The following PANK3 variants were observed in gnomAD, a reference collection of about 807,000 sequenced individuals.
PANK3 encodes the protein pantothenate kinase 3.
Under a neutral mutation model 39.4 loss-of-function variants are expected in PANK3, and 20 were observed. The observed-to-expected ratio is 0.51, with a 90% confidence interval of 0.36 to 0.74. The LOEUF is 0.74. Among genes scored for constraint, PANK3 ranks in the 30% least tolerant of loss-of-function variants. The pLI is 0.00. For missense variants in PANK3, 265 were observed against 437.0 expected (o/e 0.61, Z 3.51); for synonymous variants, 140 against 157.3 (o/e 0.89, Z 0.82).
rs1554125712 is a variant in PANK3 at position 168,565,868 on chromosome 5, A to ATAT, written c.635+144_635+145insATA. On this transcript the variant is annotated intron_variant, in intron 3 of 6. Coordinates refer to ENST00000239231, the MANE Select transcript of PANK3 (RefSeq NM_024594.4). ...CACCCTCTTTCACTTAAAAAAAAAA[A>ATAT]ATATATATATATATATATTTTTTTT... 985 of 131,902 alleles carry ATAT rather than the reference A, an allele frequency of 7.5e-3. 12 individuals are homozygous for ATAT. Among genetic ancestry groups the ATAT allele is most frequent in the African/African-American group, 0.028 (792 of 28,134 alleles). The allele number at this position is 131,902 out of a possible 1,614,324, so 8.2% of individuals were successfully genotyped here. A position where few individuals can be genotyped will look rare whatever the true frequency, so the allele number is the denominator to read the frequency against.
In PANK3 at chr5:168,556,381, A is replaced by G. The variant is rs1222200616; in HGVS notation, c.*1190T>C. On this transcript the variant is annotated 3_prime_UTR_variant, in exon 7 of 7. Coordinates refer to ENST00000239231, the MANE Select transcript of PANK3 (RefSeq NM_024594.4). Reference sequence around the variant, plus strand: ...TCCTGGTTTTGCAGTATTTTTATAAATGGAGTTTGGACCTTGGTGACACTC... The same window carrying G: ...TCCTGGTTTTGCAGTATTTTTATAAGTGGAGTTTGGACCTTGGTGACACTC... The G allele has an allele frequency of 6.6e-6, 1 of 152,264 alleles. No individual in the cohort carries two copies. The highest frequency in any genetic ancestry group is 1.5e-5 in the Non-Finnish European group (1 of 68,082). The allele number at this position is 152,264 out of a possible 1,614,324, so 9.4% of individuals were successfully genotyped here.
At chr5:168,558,578 T>C (rs1034445642) in intron 6 of PANK3, among the ~76,000 whole-genome samples, 2 of 152,206 alleles carry the variant, frequency 1.3e-5, no homozygotes, top group African/African-American at 4.8e-5. Context: ...TCCAAAACAT[T>C]ATGTGGACTG....
chr5:168,563,862 C>T (rs759463281), intron 4 of PANK3, 27 bp downstream of exon 4: 3 of 1,544,570 alleles, frequency 1.9e-6, no homozygotes, highest in Middle Eastern at 3.5e-4. Context: ...ACTTCTGTAA[C>T]TTAAATAACA....
At position 168,552,766 on chromosome 5, in the gene PANK3, CAGAG is replaced by C; in HGVS notation, c.*4801_*4804del. On this transcript the variant is annotated 3_prime_UTR_variant, in exon 7 of 7. Transcript: ENST00000239231. ...TCCTTCCTGCCCTTTCAACCACAAACAGAGAGACTACAGTCAAGAAGATAATATT... is the reference window on the plus strand; with the variant it reads ...TCCTTCCTGCCCTTTCAACCACAAACAGACTACAGTCAAGAAGATAATATT... 1 of 171,292 alleles carries C rather than the reference CAGAG, an allele frequency of 5.8e-6. No homozygotes were observed. The highest frequency in any genetic ancestry group is 1.7e-4 in the South Asian group (1 of 5,960). The allele number at this position is 171,292 out of a possible 1,614,324, so 10.6% of individuals were successfully genotyped here.
rs539561253 is a variant in PANK3 at position 168,549,047 on chromosome 5, T to C, written c.*8524A>G. 1.3e-5 allele frequency: 2 copies of C among 152,332 alleles called. No homozygotes were observed. The highest frequency in any genetic ancestry group is 3.9e-4 in the East Asian group (2 of 5,190). 9.4% of individuals were successfully genotyped at this position (152,332 alleles called of 1,614,324 possible). ...TTCTGAGTACACTTTGGTCAATAAC[T>C]GGTCATTAAGATAAACGCCATTCAA... On this transcript the variant is annotated 3_prime_UTR_variant, in exon 7 of 7. Transcript: ENST00000239231.
At position 168,557,456 on chromosome 5, in the gene PANK3, A is replaced by G. The variant is rs1377839914; in HGVS notation, c.*115T>C. On this transcript the variant is annotated 3_prime_UTR_variant, in exon 7 of 7. Transcript: ENST00000239231. ...CTCCTTTAATATGGCAACATTCAGC[A>G]GCTTATGCTACTCTTTTATCCTTTG... 14 of 865,538 alleles carry G rather than the reference A, an allele frequency of 1.6e-5. No homozygotes were observed. Among genetic ancestry groups the G allele is most frequent in the Non-Finnish European group, 1.8e-6 (1 of 544,304 alleles). The allele number at this position is 865,538 out of a possible 1,614,324, so 53.6% of individuals were successfully genotyped here.
chr5:168,551,669 G>A lies in PANK3; in HGVS notation c.*5902C>T, dbSNP rs1759273229. ...AGGCAAGAATACTGCTGGAATAAGA[G>A]GAAAACCTTTCCACTTTGTGCTGCA... On this transcript the variant is annotated 3_prime_UTR_variant, in exon 7 of 7. Transcript: ENST00000239231. 1 of 152,060 alleles carries A rather than the reference G, an allele frequency of 6.6e-6. No individual in the cohort carries two copies. Among genetic ancestry groups the A allele is most frequent in the Non-Finnish European group, 1.5e-5 (1 of 68,004 alleles). 9.4% of individuals were successfully genotyped at this position (152,060 alleles called of 1,614,324 possible). A position where few individuals can be genotyped will look rare whatever the true frequency, so the allele number is the denominator to read the frequency against.
At chr5:168,566,734 CCATT>C (rs546740867) in intron 2 of PANK3, among the ~76,000 whole-genome samples, 32 of 152,100 alleles carry the variant, frequency 2.1e-4, no homozygotes, top group African/African-American at 7.7e-4. Context: ...TTCAGTCACT[CCATT>C]CATTCATTCA....
Position 168,568,916 on chromosome 5 carries a change from T to C in PANK3, c.111A>G (p.Glu37=). The stretch of plus-strand genomic sequence containing the variant: ...TTAAACTCTCAACTTCTTCTTGCTC[T>C]TCCTCTGCTGTGATATCAATAGGTT... ...YFEPIDITAE[E]EQEEVESLKS... Residue 37 remains glutamate (E), a synonymous_variant, in exon 2 of 7, where the codon GAA becomes GAG. Coordinates refer to ENST00000239231, the MANE Select transcript of PANK3 (RefSeq NM_024594.4). The C allele has an allele frequency of 6.2e-7, 1 of 1,612,710 alleles. No individual in the cohort carries two copies. The highest frequency in any genetic ancestry group is 8.5e-7 in the Non-Finnish European group (1 of 1,179,692).
At chr5:168,575,524 G>T (rs748499562) in intron 1 of PANK3, among the ~76,000 whole-genome samples, 2 of 152,156 alleles carry the variant, frequency 1.3e-5, no homozygotes, top group Non-Finnish European at 2.9e-5. Flanking sequence ...TCCTGGCCAG[G>T]AACATGGCTC....
chr5:168,565,033 T>G (rs1334556219), intron 3 of PANK3, among the ~76,000 whole-genome samples: 1 of 152,214 alleles, frequency 6.6e-6, no homozygotes, highest in Non-Finnish European at 1.5e-5. Context: ...ACTGTTGGAT[T>G]TAGTTAACAG....
At position 168,557,418 on chromosome 5, in the gene PANK3, G is replaced by A. The variant is rs556853083; in HGVS notation, c.*153C>T. On this transcript the variant is annotated 3_prime_UTR_variant, in exon 7 of 7. Transcript: ENST00000239231. ...AGCATTTCAATGAGAAATACTTCAC[G>A]TTACCAAGTTCTCTCCTTTAATATG... 9 of 651,840 alleles carry A rather than the reference G, an allele frequency of 1.4e-5. No individual in the cohort carries two copies. In the Admixed American group the frequency reaches 1.5e-4, roughly 11 times the overall value. The allele number at this position is 651,840 out of a possible 1,614,324, so 40.4% of individuals were successfully genotyped here. A position where few individuals can be genotyped will look rare whatever the true frequency, so the allele number is the denominator to read the frequency against.
rs1759272796 is a variant in PANK3, at chr5:168,551,619, C to G, written c.*5952G>C. On this transcript the variant is annotated 3_prime_UTR_variant, in exon 7 of 7. Transcript: ENST00000239231. Reference sequence around the variant, plus strand: ...CATCCAAGAAAACAACCTTAAAAATCAAGGCAAGATGGACTACTCTTTGAA... The same window carrying G: ...CATCCAAGAAAACAACCTTAAAAATGAAGGCAAGATGGACTACTCTTTGAA... 6.6e-6 allele frequency: 1 copy of G among 152,080 alleles called. No individual in the cohort carries two copies. The highest frequency in any genetic ancestry group is 2.4e-5 in the African/African-American group (1 of 41,426). The allele number at this position is 152,080 out of a possible 1,614,324, so 9.4% of individuals were successfully genotyped here.
intron 3 of PANK3, 72 bp from the exon 4 acceptor site, chr5:168,564,137 TC>T (rs1293894638): frequency 3.9e-6 from 5 of 1,285,188 alleles, no homozygotes; most frequent in Non-Finnish European, 5.2e-6. Context: ...AAAGGGTGGA[TC>T]ATTCATGTAT....
At chr5:168,562,375 C>G (rs1406792289) in intron 4 of PANK3, among the ~76,000 whole-genome samples, 1 of 152,084 alleles carries the variant, frequency 6.6e-6, no homozygotes, top group African/African-American at 2.4e-5. Context: ...TAGGCAGAGG[C>G]AACTAAAGGT....
In PANK3 at chr5:168,557,338, A is replaced by T; in HGVS notation, c.*233T>A. ...AAATCTTTTTAAGAGGAAGCTCAAT[A>T]ATCAGAGGCTGTATTGCATTTAAGG... On this transcript the variant is annotated 3_prime_UTR_variant, in exon 7 of 7. Transcript: ENST00000239231. 2.0e-6 allele frequency: 1 copy of T among 507,596 alleles called. No individual in the cohort carries two copies. The highest frequency in any genetic ancestry group is 3.3e-5 in the South Asian group (1 of 30,590). The allele number at this position is 507,596 out of a possible 1,614,324, so 31.4% of individuals were successfully genotyped here.
chr5:168,572,388 G>A (rs1759653933), intron 1 of PANK3, among the ~76,000 whole-genome samples: 1 of 152,106 alleles, frequency 6.6e-6, no homozygotes, highest in African/African-American at 2.4e-5. Context: ...TTTCACCTGG[G>A]TGCAGGCGGG....
In PANK3 at chr5:168,565,868, A is replaced by ATATATATATAT. The variant is rs1554125712; in HGVS notation, c.635+144_635+145insATATATATATA. The ATATATATATAT allele has an allele frequency of 2.1e-4, 28 of 131,942 alleles. No individual in the cohort carries two copies. The East Asian group carries it at 8.1e-3, about 38-fold the overall frequency. The allele number at this position is 131,942 out of a possible 1,614,324, so 8.2% of individuals were successfully genotyped here. A position where few individuals can be genotyped will look rare whatever the true frequency, so the allele number is the denominator to read the frequency against. On this transcript the variant is annotated intron_variant, in intron 3 of 6. Transcript: ENST00000239231. ...CACCCTCTTTCACTTAAAAAAAAAA[A>ATATATATATAT]ATATATATATATATATATTTTTTTT...
At chr5:168,563,628 G>A (rs9968745) in intron 4 of PANK3, among the ~76,000 whole-genome samples, 4,992 of 151,118 alleles carry the variant, frequency 0.033, 248 homozygotes, top group African/African-American at 0.11. Context: ...GGGGAGAAAA[G>A]TAAAAATATG....
Sources: gnomAD v4.1 joint callset for allele counts (sites outside exome capture counted in the v4.1 genomes callset) on GRCh38, gnomAD v4.1.1 for gene constraint, MANE v1.5 for transcripts, NCBI Gene and HGNC (gene_info 2026-07-23, HGNC 2026-07-21) for gene names.